The following ZDHHC21 variants were observed in gnomAD, a reference collection of about 807,000 sequenced individuals.
ZDHHC21 encodes palmitoyltransferase ZDHHC21.
A neutral mutation model predicts 34.6 loss-of-function variants in ZDHHC21; 15 were observed. The observed-to-expected ratio is 0.43, with a 90% CI of 0.29 to 0.67. The LOEUF (loss-of-function observed/expected upper bound fraction) is 0.67. Ranked by LOEUF, ZDHHC21 falls within the 30% of genes least tolerant of loss-of-function variation. The pLI is 0.14. For missense variants in ZDHHC21, 344 were observed against 327.7 expected (o/e 1.05, Z -0.38); for synonymous variants, 142 against 101.8 (o/e 1.40, Z -2.38).
chr9:14,648,652 T>G (rs574872544), intron 7 of ZDHHC21, among the ~76,000 whole-genome samples: 92 of 152,232 alleles, frequency 6.0e-4, no homozygotes, highest in Middle Eastern at 3.4e-3. Flanking sequence ...ACCATATATT[T>G]GTTTATTGCC....
chr9:14,633,736 A>G (rs1236493865), intron 8 of ZDHHC21, among the ~76,000 whole-genome samples: 1 of 152,078 alleles, frequency 6.6e-6, no homozygotes, highest in Non-Finnish European at 1.5e-5. Context: ...GCATTTTCAC[A>G]TGCCCCAATG....
intron 2 of ZDHHC21, 61 bp downstream of exon 2, chr9:14,690,276 G>A: frequency 2.3e-6 from 1 of 443,106 alleles, no homozygotes; most frequent in Non-Finnish European, 4.5e-6. Context: ...CTTCACACCA[G>A]GCTTTACCAA....
At chr9:14,685,857 A>G (rs1197184550) in intron 2 of ZDHHC21, among the ~76,000 whole-genome samples, 2 of 152,226 alleles carry the variant, frequency 1.3e-5, no homozygotes, top group Non-Finnish European at 2.9e-5. Context: ...ATTATACACC[A>G]TGGAATACTA....
In ZDHHC21 at chr9:14,682,536, A is replaced by C. The variant is rs141324440; in HGVS notation, c.-175-2374T>G. Among the ~76,000 whole-genome samples, 632 of 152,356 alleles carry C rather than the reference A, an allele frequency of 4.1e-3. 6 individuals are homozygous for C. Among genetic ancestry groups the C allele is most frequent in the African/African-American group, 0.014 (589 of 41,586 alleles). On this transcript the variant is annotated intron_variant, in intron 2 of 9. Coordinates refer to ENST00000380916, the MANE Select transcript of ZDHHC21 (RefSeq NM_178566.6). ...CCAATACAGGAGCACCCAGATTCATAAAGCAAGTCCTTAGAGACCTACAAA... is the reference window on the plus strand; with the variant it reads ...CCAATACAGGAGCACCCAGATTCATCAAGCAAGTCCTTAGAGACCTACAAA...
rs143309734 is a variant in ZDHHC21, at chr9:14,682,421, A to C, written c.-175-2259T>G. Among the ~76,000 whole-genome samples the C allele has an allele frequency of 1.2e-4, 18 of 152,268 alleles. No homozygotes were observed. In the East Asian group the frequency reaches 3.5e-3, roughly 29 times the overall value. On this transcript the variant is annotated intron_variant, in intron 2 of 9. Transcript: ENST00000380916. ...CTCTGATGAAACATACTTTAAACCA[A>C]AAACATCAAAACAGACAAAGAAGGC... is the stretch of plus-strand genomic sequence containing the variant.
chr9:14,596,969 G>A, the ZDHHC21 span, among the ~76,000 whole-genome samples: 12,829 of 152,122 alleles, frequency 0.084, 997 homozygotes, highest in East Asian at 0.3. Flanking sequence ...TCAAAGCCAG[G>A]AGAAACTTTC....
intron 8 of ZDHHC21, among the ~76,000 whole-genome samples, chr9:14,626,740 T>C (rs1351600446): frequency 6.6e-6 from 1 of 151,928 alleles, no homozygotes; most frequent in Admixed American, 6.6e-5. Flanking sequence ...TTTTATAAAC[T>C]TATCATATAC....
chr9:14,665,612 C>T (rs1187481103), intron 5 of ZDHHC21, among the ~76,000 whole-genome samples: 1 of 145,062 alleles, frequency 6.9e-6, no homozygotes, highest in African/African-American at 2.5e-5. Context: ...GGTCGGGTTA[C>T]CCTCAAAGGG....
the ZDHHC21 span, chr9:14,589,065 G>A: frequency 6.6e-6 from 1 of 151,920 alleles, no homozygotes; most frequent in Non-Finnish European, 1.5e-5. Context: ...ATAAATTAGA[G>A]AAGAAGCTGT....
chr9:14,635,472 G>A (rs1828120446), intron 8 of ZDHHC21, among the ~76,000 whole-genome samples: 1 of 152,200 alleles, frequency 6.6e-6, no homozygotes, highest in Non-Finnish European at 1.5e-5. Context: ...ATCTGCATCA[G>A]ACTAACAGTG....
chr9:14,682,856 T>C (rs561043992), intron 2 of ZDHHC21, among the ~76,000 whole-genome samples: 2 of 152,264 alleles, frequency 1.3e-5, no homozygotes, highest in African/African-American at 4.8e-5. Context: ...CACAGTGCAA[T>C]CAAATTAGAA....
At chr9:14,657,654 T>C (rs1393923031) in intron 7 of ZDHHC21, among the ~76,000 whole-genome samples, 1 of 151,972 alleles carries the variant, frequency 6.6e-6, no homozygotes, top group Admixed American at 6.6e-5. Context: ...CCAGTAAAAC[T>C]TTTTTTTAAC....
At chr9:14,690,254 A>G in intron 2 of ZDHHC21, 83 bp downstream of exon 2, 1 of 428,980 alleles carries the variant, frequency 2.3e-6, no homozygotes, top group Non-Finnish European at 4.6e-6. Context: ...GTAGAAGACT[A>G]AATTAGATTT....
chr9:14,681,194 T>A (rs748545027), intron 2 of ZDHHC21, among the ~76,000 whole-genome samples: 37 of 152,304 alleles, frequency 2.4e-4, no homozygotes, highest in African/African-American at 8.9e-4. Context: ...CCTTACTACA[T>A]ATGACACGTG....
intron 7 of ZDHHC21, among the ~76,000 whole-genome samples, chr9:14,644,093 T>C (rs913719164): frequency 3.9e-5 from 6 of 152,226 alleles, no homozygotes; most frequent in Admixed American, 3.3e-4. Context: ...AAGTTTCTTC[T>C]AAAGGACTTG....
At chr9:14,673,474 C>G (rs894992585) in intron 4 of ZDHHC21, among the ~76,000 whole-genome samples, 6 of 151,210 alleles carry the variant, frequency 4.0e-5, no homozygotes, top group Non-Finnish European at 3.0e-5. Context: ...CAGATTTGGC[C>G]ACCATAATTC....
chr9:14,674,397 G>A lies in ZDHHC21; in HGVS notation c.-45-12C>T, dbSNP rs1281777403. On this transcript the variant is annotated splice_polypyrimidine_tract_variant and intron_variant, in intron 3 of 9. Coordinates refer to ENST00000380916, the MANE Select transcript of ZDHHC21 (RefSeq NM_178566.6). ...AAGGAAGGATGATCCTAAGGAGAAG[G>A]AACAAAGAAAATAATTACTTACATA... 1 of 1,493,500 alleles carries A rather than the reference G, an allele frequency of 6.7e-7. No individual in the cohort carries two copies. Among genetic ancestry groups the A allele is most frequent in the Non-Finnish European group, 8.9e-7 (1 of 1,121,966 alleles). 92.5% of individuals were successfully genotyped at this position (1,493,500 alleles called of 1,614,324 possible). A position where few individuals can be genotyped will look rare whatever the true frequency, so the allele number is the denominator to read the frequency against.
the ZDHHC21 span, chr9:14,594,204 G>T: frequency 6.6e-6 from 1 of 152,126 alleles, no homozygotes. Context: ...ATGGTGAGCA[G>T]CACCAATGAG....
intron 7 of ZDHHC21, among the ~76,000 whole-genome samples, chr9:14,650,746 T>A (rs903429652): frequency 1.3e-5 from 2 of 152,114 alleles, no homozygotes; most frequent in African/African-American, 4.8e-5. Flanking sequence ...CTATTAGATA[T>A]CAGCCAATTG....
Sources: gnomAD v4.1 joint callset for allele counts (sites outside exome capture counted in the v4.1 genomes callset) on GRCh38, gnomAD v4.1.1 for gene constraint, MANE v1.5 for transcripts, NCBI Gene and HGNC (gene_info 2026-07-23, HGNC 2026-07-21) for gene names.